Variants in IFI27L1 observed in about 807,000 individuals in gnomAD.
IFI27L1 encodes interferon alpha inducible protein 27 like 1.
In IFI27L1, 3 loss-of-function variants were observed where a neutral mutation model predicts 9.2. The ratio of observed to expected loss-of-function variants is 0.32; its 90% confidence interval spans 0.15 to 0.84. The LOEUF (loss-of-function observed/expected upper bound fraction) is 0.84, where lower values mean the gene tolerates loss of function less well. Among genes scored for constraint, IFI27L1 ranks in the 40% least tolerant of loss-of-function variants. The pLI is 0.56. For missense variants in IFI27L1, 133 were observed against 134.2 expected, an observed-to-expected ratio of 0.99 and a Z score of 0.05; for synonymous variants, 53 against 50.0, an observed-to-expected ratio of 1.06 and a Z score of -0.26.
At position 94,090,137 on chromosome 14, in the gene IFI27L1, C is replaced by G. The variant is rs543296652; in HGVS notation, c.-51-6750C>G. Among the ~76,000 whole-genome samples the G allele has an allele frequency of 2.1e-3, 326 of 152,318 alleles. 4 individuals carry two copies. Among genetic ancestry groups the G allele is most frequent in the African/African-American group, 7.4e-3 (306 of 41,568 alleles). On this transcript the variant is annotated intron_variant, in intron 1 of 4. Coordinates refer to ENST00000555523, the MANE Select transcript of IFI27L1 (RefSeq NM_206949.3). Reference sequence around the variant, plus strand: ...TGGAACCAAGCTGATATGGGGGTCTCTAGCTGATTCCAATATGTGCCCAAA... The same window carrying G: ...TGGAACCAAGCTGATATGGGGGTCTGTAGCTGATTCCAATATGTGCCCAAA...
At chr14:94,095,859 C>T (rs61982118) in intron 1 of IFI27L1, among the ~76,000 whole-genome samples, 14,215 of 152,226 alleles carry the variant, frequency 0.093, 833 homozygotes, top group Non-Finnish European at 0.14. Context: ...CAAACCATAG[C>T]AGTCCTTGAT....
chr14:94,090,267 A>G (rs531126006), intron 1 of IFI27L1, among the ~76,000 whole-genome samples: 15 of 152,334 alleles, frequency 9.8e-5, no homozygotes, highest in African/African-American at 3.4e-4. Context: ...GGTCAGTCTA[A>G]ATTGCAGAAA....
At position 94,102,549 on chromosome 14, in the gene IFI27L1, G is replaced by A. The variant is rs778729297; in HGVS notation, c.296G>A (p.Gly99Asp). The A allele has an allele frequency of 4.4e-6, 7 of 1,573,866 alleles. No individual in the cohort carries two copies. Among genetic ancestry groups the A allele is most frequent in the Non-Finnish European group, 6.0e-6 (7 of 1,159,618 alleles). The change falls in exon 5 of 5, where the codon GGT becomes GAT. Residue 99 changes from glycine to aspartate, a missense_variant. Transcript: ENST00000555523. Reference protein sequence around the residue: ...FAGTALGAWLGSPPSS With the variant: ...FAGTALGAWLDSPPSS ...GGGACAGCTCTTGGGGCCTGGCTGG[G>A]TTCACCCCCTTCCAGCTGAACACCA...
intron 1 of IFI27L1, among the ~76,000 whole-genome samples, chr14:94,096,649 G>A (rs1886679733): frequency 6.8e-6 from 1 of 147,096 alleles, no homozygotes; most frequent in Admixed American, 6.9e-5. Context: ...AACAGAGATT[G>A]TGCCACTGCA....
intron 1 of IFI27L1, among the ~76,000 whole-genome samples, chr14:94,091,857 C>CTCACACCTGTAATCCCAGCACT (rs1567068751): frequency 6.6e-6 from 1 of 151,636 alleles, no homozygotes; most frequent in East Asian, 1.9e-4. Flanking sequence ...GGTGTGGTGG[C>CTCACACCTGTAATCCCAGCACT]TCACACCTGT....
At chr14:94,090,907 A>C (rs1431810404) in intron 1 of IFI27L1, among the ~76,000 whole-genome samples, 1 of 152,240 alleles carries the variant, frequency 6.6e-6, no homozygotes, top group Non-Finnish European at 1.5e-5. Context: ...GGTAGAGAGA[A>C]GCAAATATAC....
intron 3 of IFI27L1, 52 bp from the exon 4 acceptor site, chr14:94,101,762 G>A: frequency 1.3e-6 from 2 of 1,595,080 alleles, no homozygotes; most frequent in South Asian, 2.2e-5. Flanking sequence ...TGTCAGGGAA[G>A]TCTGGGGGAC....
At chr14:94,097,479 A>G in intron 2 of IFI27L1, 1 of 599,376 alleles carries the variant, frequency 1.7e-6, no homozygotes. Flanking sequence ...TTTAATTCTG[A>G]CAACTTTCAT....
At chr14:94,096,374 G>A (rs945195368) in intron 1 of IFI27L1, among the ~76,000 whole-genome samples, 3 of 152,124 alleles carry the variant, frequency 2.0e-5, no homozygotes, top group East Asian at 1.9e-4. Flanking sequence ...ATGCTGCTAC[G>A]AACATGGGTG....
Position 94,097,453 on chromosome 14 carries a change from G to C in IFI27L1, c.28+488G>C, listed in dbSNP as rs1886713682. 8.4e-6 allele frequency: 5 copies of C among 592,334 alleles called. No individual in the cohort carries two copies. The Admixed American group carries it at 1.5e-4, about 18-fold the overall frequency. 36.7% of individuals were successfully genotyped at this position (592,334 alleles called of 1,614,324 possible). A position where few individuals can be genotyped will look rare whatever the true frequency, so the allele number is the denominator to read the frequency against. On this transcript the variant is annotated intron_variant, in intron 2 of 4. Transcript: ENST00000555523. ...CCTGCCTCCATTTTGTTAGGATTTG[G>C]CATAAGCGACTCCATTTTAATTCTG...
chr14:94,090,274 G>GA (rs1188537495), intron 1 of IFI27L1, among the ~76,000 whole-genome samples: 1 of 152,094 alleles, frequency 6.6e-6, no homozygotes, highest in Non-Finnish European at 1.5e-5. Flanking sequence ...CTAAATTGCA[G>GA]AAAAAAACTC....
Position 94,102,461 on chromosome 14 carries a change from C to T in IFI27L1, c.224-16C>T, listed in dbSNP as rs374380265. On this transcript the variant is annotated splice_polypyrimidine_tract_variant and intron_variant, in intron 4 of 4. Transcript: ENST00000555523. Reference sequence around the variant, plus strand: ...CCCCTCCCTGTGCCCTGTGCTCACCCTCTCTTCTCCCCCAGGGGCAGCTGG... The same window carrying T: ...CCCCTCCCTGTGCCCTGTGCTCACCTTCTCTTCTCCCCCAGGGGCAGCTGG... 139 of 1,539,548 alleles carry T rather than the reference C, an allele frequency of 9.0e-5. No individual in the cohort carries two copies. The African/African-American group carries it at 1.5e-3, about 17-fold the overall frequency.
intron 1 of IFI27L1, among the ~76,000 whole-genome samples, chr14:94,087,259 C>T (rs909481980): frequency 5.3e-5 from 8 of 152,134 alleles, no homozygotes; most frequent in Non-Finnish European, 1.0e-4. Context: ...CAGATGTGCT[C>T]ACGGAAGTAT....
chr14:94,094,184 C>G (rs1368547438), intron 1 of IFI27L1, among the ~76,000 whole-genome samples: 1 of 152,150 alleles, frequency 6.6e-6, no homozygotes, highest in Non-Finnish European at 1.5e-5. Context: ...TCAGTAAAGT[C>G]TCTCTTGGTT....
intron 3 of IFI27L1, 26 bp downstream of exon 3, chr14:94,100,797 A>G (rs1886866347): frequency 6.2e-7 from 1 of 1,612,762 alleles, no homozygotes; most frequent in African/African-American, 1.3e-5. Flanking sequence ...AAGGAACTCA[A>G]GCCCCCATCC....
At chr14:94,098,004 G>A (rs1025356690) in intron 2 of IFI27L1, among the ~76,000 whole-genome samples, 1 of 152,154 alleles carries the variant, frequency 6.6e-6, no homozygotes, top group African/African-American at 2.4e-5. Flanking sequence ...GTCTGAGGAC[G>A]GACCCTGGAC....
intron 2 of IFI27L1, chr14:94,100,139 T>C: frequency 3.4e-6 from 1 of 293,866 alleles, no homozygotes; most frequent in Non-Finnish European, 5.1e-6. Flanking sequence ...GGAAATGTCA[T>C]CTGAGTAGGG....
At chr14:94,090,070 A>C (rs961556856) in intron 1 of IFI27L1, among the ~76,000 whole-genome samples, 11 of 152,264 alleles carry the variant, frequency 7.2e-5, no homozygotes, top group Admixed American at 5.9e-4. Flanking sequence ...AATTATCCCA[A>C]GTAAACTGAA....
At chr14:94,093,635 A>G (rs914463864) in intron 1 of IFI27L1, among the ~76,000 whole-genome samples, 2 of 152,332 alleles carry the variant, frequency 1.3e-5, no homozygotes, top group African/African-American at 4.8e-5. Flanking sequence ...GGCTAACAGC[A>G]TGATCTCTGA....
Sources: gnomAD v4.1 joint callset for allele counts (sites outside exome capture counted in the v4.1 genomes callset) on GRCh38, gnomAD v4.1.1 for gene constraint, MANE v1.5 for transcripts, NCBI Gene and HGNC (gene_info 2026-07-23, HGNC 2026-07-21) for gene names.